CCDC171: variants seen among roughly 807,000 people sequenced by gnomAD.
The protein encoded by CCDC171 is coiled-coil domain-containing protein 171.
Under a neutral mutation model 168.2 loss-of-function variants are expected in CCDC171, and 177 were observed. The ratio of observed to expected loss-of-function variants is 1.05; its 90% CI spans 0.93 to 1.19. CCDC171 has a LOEUF of 1.19. CCDC171 is among the 50% of genes most tolerant of loss of function. The pLI is 0.00. For missense variants in CCDC171, 1,991 were observed against 1,539.0 expected (o/e 1.29, Z -4.91); for synonymous variants, 687 against 540.8 (o/e 1.27, Z -3.75).
intron 7 of CCDC171, among the ~76,000 whole-genome samples, chr9:15,630,795 A>T (rs923477223): frequency 5.1e-4 from 77 of 152,360 alleles, no homozygotes; most frequent in African/African-American, 1.7e-3. Flanking sequence ...AGCAAATGTA[A>T]AAGATGAGAA....
intron 4 of CCDC171, chr9:15,587,602 G>T: frequency 2.2e-6 from 1 of 456,540 alleles, no homozygotes; most frequent in Non-Finnish European, 4.4e-6. Context: ...TGATACTGAT[G>T]TTGGAGGTTT....
rs1589165178 is a variant in CCDC171 at position 15,933,466 on chromosome 9, T to C, written c.3753+13044T>C. Among the ~76,000 whole-genome samples the C allele has an allele frequency of 2.0e-5, 3 of 152,046 alleles. No individual in the cohort carries two copies. In the Middle Eastern group the frequency reaches 0.01, roughly 517 times the overall value. On this transcript the variant is annotated intron_variant, in intron 25 of 25. Transcript: ENST00000380701. Reference sequence around the variant, plus strand: ...CTTTTCCAAAAAACGAATGCTTCAGTTTATTAATCTTTTAAATTATTTTTC... The same window carrying C: ...CTTTTCCAAAAAACGAATGCTTCAGCTTATTAATCTTTTAAATTATTTTTC...
intron 6 of CCDC171, among the ~76,000 whole-genome samples, chr9:15,616,232 G>C (rs2131939696): frequency 6.6e-6 from 1 of 152,196 alleles, no homozygotes; most frequent in Non-Finnish European, 1.5e-5. Flanking sequence ...GATTACAGGT[G>C]TGAGCCACCA....
the CCDC171 span, among the ~76,000 whole-genome samples, chr9:16,071,876 C>A: frequency 1.3e-5 from 2 of 152,156 alleles, no homozygotes; most frequent in African/African-American, 4.8e-5. Flanking sequence ...CCATTTCAAA[C>A]TGACCCAACC....
At chr9:15,647,448 G>A (rs531479917) in intron 7 of CCDC171, among the ~76,000 whole-genome samples, 1 of 152,044 alleles carries the variant, frequency 6.6e-6, no homozygotes, top group Non-Finnish European at 1.5e-5. Context: ...AAAAATCAAT[G>A]AATTTAGCAG....
chr9:15,992,856 A>G (rs1369375329), intron 3 of CCDC171, among the ~76,000 whole-genome samples: 1 of 152,202 alleles, frequency 6.6e-6, no homozygotes, highest in Non-Finnish European at 1.5e-5. Flanking sequence ...TGCTTCAAAG[A>G]GAATAAAATA....
intron 4 of CCDC171, among the ~76,000 whole-genome samples, chr9:15,579,240 T>C (rs1346498246): frequency 6.6e-6 from 1 of 152,244 alleles, no homozygotes; most frequent in Non-Finnish European, 1.5e-5. Flanking sequence ...GCTGTGCATA[T>C]ATGGAAAAAG....
At chr9:15,665,208 C>T (rs563806662) in intron 8 of CCDC171, among the ~76,000 whole-genome samples, 29 of 152,192 alleles carry the variant, frequency 1.9e-4, no homozygotes, top group Non-Finnish European at 3.2e-4. Context: ...CCCACGGCAG[C>T]TTCTGACTCC....
chr9:15,820,258 C>A (rs373559445), intron 21 of CCDC171, among the ~76,000 whole-genome samples: 1 of 116,380 alleles, frequency 8.6e-6, no homozygotes, highest in African/African-American at 3.2e-5. Context: ...AAAATCGACA[C>A]CCTAACATCA....
chr9:15,560,053 A>G (rs899494198), intron 1 of CCDC171, among the ~76,000 whole-genome samples: 2 of 152,154 alleles, frequency 1.3e-5, no homozygotes. Context: ...AATGTTGAAT[A>G]TTGGCCCTCA....
At chr9:15,710,114 T>A (rs2052548192) in intron 11 of CCDC171, among the ~76,000 whole-genome samples, 1 of 152,310 alleles carries the variant, frequency 6.6e-6, no homozygotes, top group Admixed American at 6.5e-5. Flanking sequence ...AAATGAAGTC[T>A]TTTAAAAATA....
At chr9:15,732,439 C>G (rs2054208853) in intron 16 of CCDC171, among the ~76,000 whole-genome samples, 1 of 152,074 alleles carries the variant, frequency 6.6e-6, no homozygotes, top group African/African-American at 2.4e-5. Flanking sequence ...AGCTGAATAG[C>G]CTTGGTACCT....
At chr9:15,939,606 C>T (rs1827493673) in intron 25 of CCDC171, among the ~76,000 whole-genome samples, 1 of 151,866 alleles carries the variant, frequency 6.6e-6, no homozygotes, top group Admixed American at 6.6e-5. Context: ...TTGTTTATCT[C>T]TATCTCATAT....
chr9:15,958,531 ATATT>A (rs1388489746), intron 25 of CCDC171, among the ~76,000 whole-genome samples: 1 of 142,816 alleles, frequency 7.0e-6, no homozygotes, highest in Non-Finnish European at 1.5e-5. Context: ...ATATTATATT[ATATT>A]ATATTATATT....
chr9:15,861,211 T>G (rs1457740587), intron 23 of CCDC171, among the ~76,000 whole-genome samples: 1 of 64,280 alleles, frequency 1.6e-5, no homozygotes, highest in African/African-American at 5.2e-5. Flanking sequence ...AGCGTATAGT[T>G]GGATCTTTTT....
At chr9:15,891,233 G>T (rs550474340) in intron 24 of CCDC171, among the ~76,000 whole-genome samples, 68 of 152,166 alleles carry the variant, frequency 4.5e-4, no homozygotes, top group Non-Finnish European at 7.6e-4. Flanking sequence ...ATGTGTGGAT[G>T]TATTTACTCT....
At chr9:15,797,452 G>A (rs1035314197) in intron 21 of CCDC171, among the ~76,000 whole-genome samples, 3 of 151,692 alleles carry the variant, frequency 2.0e-5, no homozygotes, top group African/African-American at 7.3e-5. Context: ...CTGGGCTGAA[G>A]CAATCCACCT....
In CCDC171 at chr9:15,579,024, G is replaced by A. The variant is rs2040907306; in HGVS notation, c.352+1G>A. The A allele has an allele frequency of 6.2e-7, 1 of 1,612,154 alleles. No individual in the cohort carries two copies. Among genetic ancestry groups the A allele is most frequent in the Non-Finnish European group, 8.5e-7 (1 of 1,178,966 alleles). ...CATAGGATCCAAGAAAAACTCTGTG[G>A]TAAGACTGTTTCTATTTCTTCCCAA... is the stretch of plus-strand genomic sequence containing the variant. On this transcript the variant is annotated splice_donor_variant, in intron 4 of 25. Transcript: ENST00000380701. LOFTEE classifies it high-confidence loss of function.
At chr9:15,950,265 T>C (rs1325788580) in intron 25 of CCDC171, among the ~76,000 whole-genome samples, 2 of 151,904 alleles carry the variant, frequency 1.3e-5, no homozygotes, top group African/African-American at 4.8e-5. Flanking sequence ...ATTCAGGAAA[T>C]ACAGAGAACA....
Sources: gnomAD v4.1 joint callset for allele counts (sites outside exome capture counted in the v4.1 genomes callset) on GRCh38, gnomAD v4.1.1 for gene constraint, MANE v1.5 for transcripts, NCBI Gene and HGNC (gene_info 2026-07-23, HGNC 2026-07-21) for gene names.